The following RHOT2 variants were observed in gnomAD, a reference collection of about 807,000 sequenced individuals.
The protein encoded by RHOT2 is mitochondrial Rho GTPase 2.
RHOT2 carries 90 observed loss-of-function variants against 81.6 expected under a neutral mutation model. That is an observed-to-expected ratio of 1.10 (90% CI 0.93 to 1.31). The LOEUF (loss-of-function observed/expected upper bound fraction) is 1.31, where lower values mean the gene tolerates loss of function less well. RHOT2 is among the 40% of genes most tolerant of loss of function. RHOT2 has a pLI of 0.00. For synonymous variants in RHOT2, 512 were observed against 370.9 expected (o/e 1.38, Z -4.37); for missense variants, 1,014 against 841.9 (o/e 1.20, Z -2.53).
intron 4 of RHOT2, 108 bp downstream of exon 4, chr16:668,807 T>G (rs1596484691): frequency 8.1e-7 from 1 of 1,231,864 alleles, no homozygotes; most frequent in Non-Finnish European, 1.1e-6. Flanking sequence ...TTGGCCCTGA[T>G]AATTCTGTGA....
chr16:670,406 GTCGGTGCCCTCC>G, intron 7 of RHOT2, 38 bp from the exon 8 acceptor site: 1 of 1,609,774 alleles, frequency 6.2e-7, no homozygotes, highest in Non-Finnish European at 8.5e-7. Flanking sequence ...TGTGTTCTCA[GTCGGTGCCCTCC>G]TCGGGGCACT....
Position 670,513 on chromosome 16 carries a change from G to C in RHOT2, c.496G>C (p.Val166Leu), listed in dbSNP as rs146373820. The C allele has an allele frequency of 3.1e-6, 5 of 1,608,334 alleles. No individual in the cohort carries two copies. The African/African-American group carries it at 5.3e-5, about 17-fold the overall frequency. ...GCTGTTCTACTACGCCCAGAAGGCC[G>C]TCCTGCATCCCACAGCCCCCCTCTA... Reference protein sequence around the residue: ...SELFYYAQKAVLHPTAPLYDP... With the variant: ...SELFYYAQKALLHPTAPLYDP... The change falls in exon 8 of 19, where the codon GTC becomes CTC. Residue 166 changes from valine (V) to leucine (L), a missense_variant. By Grantham distance (32) the Val-to-Leu change is conservative (BLOSUM62 1). Coordinates refer to ENST00000315082, the MANE Select transcript of RHOT2 (RefSeq NM_138769.3).
rs750494013 is a variant in RHOT2, at chr16:673,069, G to C, written c.1669G>C (p.Ala557Pro). The C allele has an allele frequency of 6.2e-7, 1 of 1,611,750 alleles. No homozygotes were observed. Among genetic ancestry groups the C allele is most frequent in the South Asian group, 1.1e-5 (1 of 91,078 alleles). ...ACCCGCTCCCGTGCCGTTCTCCTGT[G>C]CTGGCCCAGCCGAGCCCAGCACCAC... ...RLPAPVPFSCAGPAEPSTTIF... is the reference protein window; with the variant it reads ...RLPAPVPFSCPGPAEPSTTIF... The change falls in exon 18 of 19, where the codon GCT (alanine) becomes CCT (proline). Residue 557 changes from alanine (A) to proline (P), a missense_variant. Transcript: ENST00000315082.
chr16:669,707 T>G (rs1211005135), intron 5 of RHOT2, 101 bp downstream of exon 5: 3 of 1,231,968 alleles, frequency 2.4e-6, no homozygotes, highest in Non-Finnish European at 3.5e-6. Flanking sequence ...GCTCACAGCA[T>G]TTTGGGGAGC....
intron 4 of RHOT2, chr16:669,065 G>C (rs1000432796): frequency 1.2e-5 from 5 of 404,722 alleles, no homozygotes; most frequent in African/African-American, 1.0e-4. Context: ...ACGTGTGCCG[G>C]GGACATCTCC....
At chr16:668,846 T>A in intron 4 of RHOT2, 147 bp downstream of exon 4, 1 of 776,972 alleles carries the variant, frequency 1.3e-6, no homozygotes, top group Non-Finnish European at 2.0e-6. Flanking sequence ...TCGGGGCCCC[T>A]ACAGCGCACC....
intron 7 of RHOT2, 26 bp from the exon 8 acceptor site, chr16:670,430 C>A: frequency 6.2e-7 from 1 of 1,606,358 alleles, no homozygotes; most frequent in Non-Finnish European, 8.5e-7. Flanking sequence ...CGGGGCACTT[C>A]CCTGAGGCTG....
Position 669,504 on chromosome 16 carries a change from G to A in RHOT2, c.223-49G>A, listed in dbSNP as rs1455192490. The A allele has an allele frequency of 3.1e-6, 5 of 1,598,286 alleles. No individual in the cohort carries two copies. In the South Asian group the frequency reaches 5.5e-5, roughly 18 times the overall value. ...TGGCGTGGAACGGCCAGGGTCGTCG[G>A]TGGTGAGCCAGCAGCCCTGTCACCC... On this transcript the variant is annotated intron_variant, in intron 4 of 18. Coordinates refer to ENST00000315082, the MANE Select transcript of RHOT2 (RefSeq NM_138769.3).
chr16:669,500 G>A (rs567542367), intron 4 of RHOT2, 53 bp from the exon 5 acceptor site: 16 of 1,588,152 alleles, frequency 1.0e-5, no homozygotes, highest in African/African-American at 1.3e-5. Context: ...GGCCAGGGTC[G>A]TCGGTGGTGA....
rs769184315 is a variant in RHOT2, at chr16:671,866, G to A, written c.961G>A (p.Asp321Asn). The change falls in exon 13 of 19, where the codon GAC becomes AAC. Residue 321 changes from aspartate (D) to asparagine (N), a missense_variant. Transcript: ENST00000315082. ...RVFEKHDQDR[D>N]GALSPVELQS... ...CACATCCCTCCTTCTGCAGGACCGC[G>A]ACGGCGCCCTCTCGCCCGTGGAGCT... 2.0e-6 allele frequency: 3 copies of A among 1,501,198 alleles called. No homozygotes were observed. Among genetic ancestry groups the A allele is most frequent in the South Asian group, 1.1e-5 (1 of 89,860 alleles). 93.0% of individuals were successfully genotyped at this position (1,501,198 alleles called of 1,614,324 possible). A position where few individuals can be genotyped will look rare whatever the true frequency, so the allele number is the denominator to read the frequency against.
At chr16:669,399 T>C in intron 4 of RHOT2, 154 bp from the exon 5 acceptor site, 1 of 697,874 alleles carries the variant, frequency 1.4e-6, no homozygotes, top group South Asian at 1.7e-5. Flanking sequence ...AGGCAGGTTT[T>C]AGGGAAGGCT....
intron 2 of RHOT2, 24 bp downstream of exon 2, chr16:668,435 G>C (rs200658296): frequency 1.9e-6 from 3 of 1,556,684 alleles, no homozygotes; most frequent in Non-Finnish European, 2.6e-6. Context: ...CCGCCGCGGG[G>C]GTGGGAGCGG....
Position 671,757 on chromosome 16 carries a change from G to A in RHOT2, c.930G>A (p.Gln310=), listed in dbSNP as rs1377454167. The A allele has an allele frequency of 6.2e-7, 1 of 1,612,406 alleles. No individual in the cohort carries two copies. ...ACCACCTTGGCTACCAGTTTGTGCAGAGAGTGTTTGAGAAGCACGACCAGG... is the reference window on the plus strand; with the variant it reads ...ACCACCTTGGCTACCAGTTTGTGCAAAGAGTGTTTGAGAAGCACGACCAGG... ...ELNHLGYQFV[Q]RVFEKHDQDR... Residue 310 remains glutamine (Q), a synonymous_variant, in exon 12 of 19, where the codon CAG becomes CAA. Coordinates refer to ENST00000315082, the MANE Select transcript of RHOT2 (RefSeq NM_138769.3).
In RHOT2 at chr16:669,614, C is replaced by G. The variant is rs755498282; in HGVS notation, c.276+8C>G. 9.9e-6 allele frequency: 16 copies of G among 1,611,408 alleles called. 1 individual carries two copies. The South Asian group carries it at 1.6e-4, about 17-fold the overall frequency. On this transcript the variant is annotated splice_region_variant and intron_variant, in intron 5 of 18. Coordinates refer to ENST00000315082, the MANE Select transcript of RHOT2 (RefSeq NM_138769.3). ...GAGGCCACCATTGAGAAGGTGAGCC[C>G]TCAGTGCAGACCCCAACAGCAGAGA...
chr16:668,614 C>A (rs1252926499), intron 3 of RHOT2, 42 bp from the exon 4 acceptor site: 1 of 1,609,084 alleles, frequency 6.2e-7, no homozygotes, highest in Non-Finnish European at 8.5e-7. Context: ...AGCGGTCCGG[C>A]GGGCCTGCTG....
Position 670,126 on chromosome 16 carries a change from C to G in RHOT2, c.280C>G (p.Arg94Gly), listed in dbSNP as rs755243388. The part of the protein sequence containing the change: ...VSEEATIEKI[R>G]TKWIPLVNGG... ...ACAGCCAGGCTTTGCTTTTCAGATTCGAACTAAGTGGATCCCACTGGTGAA... is the reference window on the plus strand; with the variant it reads ...ACAGCCAGGCTTTGCTTTTCAGATTGGAACTAAGTGGATCCCACTGGTGAA... The change falls in exon 6 of 19, where the codon CGA becomes GGA. Residue 94 changes from arginine (R) to glycine (G), a missense_variant. By Grantham distance (125) the Arg-to-Gly change is moderately radical (BLOSUM62 -2). Coordinates refer to ENST00000315082, the MANE Select transcript of RHOT2 (RefSeq NM_138769.3). The G allele has an allele frequency of 6.4e-7, 1 of 1,563,160 alleles. No individual in the cohort carries two copies. The highest frequency in any genetic ancestry group is 8.6e-7 in the Non-Finnish European group (1 of 1,156,164).
Position 670,551 on chromosome 16 carries a change from C to T in RHOT2, c.534C>T (p.Ala178=), listed in dbSNP as rs371228875. The T allele has an allele frequency of 5.2e-5, 83 of 1,604,048 alleles. No homozygotes were observed. Among genetic ancestry groups the T allele is most frequent in the East Asian group, 8.9e-5 (4 of 44,812 alleles). ...CAGCCCCCCTCTATGACCCTGAGGCCAAGCAGGTGAGCATCGGCTGGGGCC... is the reference window on the plus strand; with the variant it reads ...CAGCCCCCCTCTATGACCCTGAGGCTAAGCAGGTGAGCATCGGCTGGGGCC... ...HPTAPLYDPE[A]KQLRPACAQA... The change falls in exon 8 of 19, where the codon GCC becomes GCT. Residue 178 remains alanine, a synonymous_variant. Transcript: ENST00000315082.
chr16:670,135 T>C lies in RHOT2; in HGVS notation c.289T>C (p.Trp97Arg). The C allele has an allele frequency of 6.3e-7, 1 of 1,577,556 alleles. No individual in the cohort carries two copies. Among genetic ancestry groups the C allele is most frequent in the Non-Finnish European group, 8.6e-7 (1 of 1,163,602 alleles). ...CTTTGCTTTTCAGATTCGAACTAAG[T>C]GGATCCCACTGGTGAATGGGGGGAC... ...EATIEKIRTK[W>R]IPLVNGGTTQ... Residue 97 changes from tryptophan (W) to arginine (R), a missense_variant, in exon 6 of 19, where the codon TGG (tryptophan) becomes CGG (arginine). Transcript: ENST00000315082.
intron 18 of RHOT2, 153 bp from the exon 19 acceptor site, chr16:673,327 C>A: frequency 7.8e-7 from 1 of 1,284,302 alleles, no homozygotes; most frequent in South Asian, 1.2e-5. Context: ...AGTGCCCAGG[C>A]ATGTCCCTCC....
Sources: gnomAD v4.1 joint callset for allele counts on GRCh38, gnomAD v4.1.1 for gene constraint, MANE v1.5 for transcripts, NCBI Gene and HGNC (gene_info 2026-07-23, HGNC 2026-07-21) for gene names.